The following TRPC3 variants were observed in gnomAD, a reference collection of about 807,000 sequenced individuals.
The protein encoded by TRPC3 is short transient receptor potential channel 3.
TRPC3 carries 54 observed loss-of-function variants against 90.9 expected under a neutral mutation model. The ratio of observed to expected loss-of-function variants is 0.59; its 90% CI spans 0.48 to 0.75. TRPC3 has a LOEUF of 0.75. Among genes scored for constraint, TRPC3 ranks in the 30% least tolerant of loss-of-function variants. The pLI is 0.00. For missense variants in TRPC3, 918 were observed against 1,194.5 expected (o/e 0.77, Z 3.41); for synonymous variants, 424 against 450.9 (o/e 0.94, Z 0.75).
At chr4:121,906,741 C>T (rs749530714) in intron 7 of TRPC3, among the ~76,000 whole-genome samples, 2 of 152,026 alleles carry the variant, frequency 1.3e-5, no homozygotes, top group Non-Finnish European at 2.9e-5. Flanking sequence ...ATCTGGGTGT[C>T]TCCATGCTGC....
intron 1 of TRPC3, among the ~76,000 whole-genome samples, chr4:121,946,499 T>C (rs1203860546): frequency 6.6e-6 from 1 of 152,204 alleles, no homozygotes; most frequent in African/African-American, 2.4e-5. Context: ...GACTTAGCGG[T>C]GAACAATGAT....
intron 10 of TRPC3, among the ~76,000 whole-genome samples, chr4:121,892,567 A>C (rs775383700): frequency 6.6e-6 from 1 of 152,196 alleles, no homozygotes; most frequent in Non-Finnish European, 1.5e-5. Flanking sequence ...GGAACATGAG[A>C]GAGAAATAAA....
chr4:121,923,709 G>A (rs1426682791), intron 3 of TRPC3, among the ~76,000 whole-genome samples: 1 of 152,186 alleles, frequency 6.6e-6, no homozygotes, highest in Non-Finnish European at 1.5e-5. Flanking sequence ...TAGGTGACTT[G>A]CTCATGGTCA....
At chr4:121,915,247 G>C (rs1485830552) in intron 3 of TRPC3, among the ~76,000 whole-genome samples, 1 of 152,188 alleles carries the variant, frequency 6.6e-6, no homozygotes, top group Non-Finnish European at 1.5e-5. Flanking sequence ...GAATCTGGGT[G>C]ACATCTGGCT....
intron 2 of TRPC3, among the ~76,000 whole-genome samples, chr4:121,929,512 C>T (rs1410122584): frequency 6.6e-6 from 1 of 152,106 alleles, no homozygotes; most frequent in Non-Finnish European, 1.5e-5. Flanking sequence ...AGGATTAGAC[C>T]AAGAGTCTAT....
At position 121,932,585 on chromosome 4, in the gene TRPC3, C is replaced by T. The variant is rs1322129192; in HGVS notation, c.673G>A (p.Glu225Lys). 3.1e-6 allele frequency: 5 copies of T among 1,614,096 alleles called. No individual in the cohort carries two copies. The African/African-American group carries it at 4.0e-5, about 13-fold the overall frequency. ...LQDDDFYAYD[E>K]DGTRFSPDIT... Reference sequence around the variant, plus strand: ...TCCGGCGAGAAGCGCGTGCCGTCCTCGTCGTAAGCGTAGAAGTCGTCGTCC... The same window carrying T: ...TCCGGCGAGAAGCGCGTGCCGTCCTTGTCGTAAGCGTAGAAGTCGTCGTCC... The change falls in exon 2 of 12, where the codon GAG becomes AAG. Residue 225 changes from glutamate to lysine, a missense_variant. This residue lies in a region of TRPC3 where 609 missense variants were observed against 725.9 expected (regional missense o/e 0.84). Transcript: ENST00000379645. The surrounding 1 kb of genome is among the most constrained non-coding windows in gnomAD (Gnocchi z 7.7).
intron 2 of TRPC3, among the ~76,000 whole-genome samples, chr4:121,926,560 C>G (rs563279686): frequency 6.6e-6 from 1 of 152,054 alleles, no homozygotes; most frequent in Non-Finnish European, 1.5e-5. Flanking sequence ...GCATGTGCCA[C>G]CACACCCGGC....
chr4:121,949,062 T>C (rs1488856481), intron 1 of TRPC3, among the ~76,000 whole-genome samples: 1 of 152,190 alleles, frequency 6.6e-6, no homozygotes, highest in African/African-American at 2.4e-5. Context: ...AACGCTTGAA[T>C]TGAGACTCAT....
At chr4:121,944,029 G>A (rs924785903) in intron 1 of TRPC3, among the ~76,000 whole-genome samples, 3 of 152,010 alleles carry the variant, frequency 2.0e-5, no homozygotes, top group South Asian at 2.1e-4. Context: ...AGTCACTGCT[G>A]AGCCCCTCGT....
At position 121,914,956 on chromosome 4, in the gene TRPC3, G is replaced by A. The variant is rs1729256485; in HGVS notation, c.1177-12C>T. 6.3e-7 allele frequency: 1 copy of A among 1,581,354 alleles called. No individual in the cohort carries two copies. Among genetic ancestry groups the A allele is most frequent in the South Asian group, 1.1e-5 (1 of 88,292 alleles). On this transcript the variant is annotated splice_polypyrimidine_tract_variant and intron_variant, in intron 3 of 11. Transcript: ENST00000379645. Reference sequence around the variant, plus strand: ...GGATGAGCCACAAACTATTGGGAGAGAGAGAGTTTGAGAAGGGGAGAGAAA... The same window carrying A: ...GGATGAGCCACAAACTATTGGGAGAAAGAGAGTTTGAGAAGGGGAGAGAAA...
intron 3 of TRPC3, among the ~76,000 whole-genome samples, chr4:121,916,490 T>C (rs1282024416): frequency 1.3e-5 from 2 of 152,124 alleles, no homozygotes; most frequent in African/African-American, 2.4e-5. Flanking sequence ...CTCAATGTGA[T>C]GGGTATTAGA....
chr4:121,894,404 A>C (rs2149111354), intron 10 of TRPC3, among the ~76,000 whole-genome samples: 1 of 152,182 alleles, frequency 6.6e-6, no homozygotes, highest in African/African-American at 2.4e-5. Flanking sequence ...ATATAATAAT[A>C]GTTGGGAACT....
chr4:121,882,501 G>T, intron 10 of TRPC3, 72 bp from the exon 11 acceptor site: 2 of 1,425,378 alleles, frequency 1.4e-6, no homozygotes, highest in South Asian at 1.3e-5. Flanking sequence ...TTCCAAAGAG[G>T]CTTACATACC....
chr4:121,899,643 T>C lies in TRPC3; in HGVS notation c.2516A>G (p.Asn839Ser), dbSNP rs754521633. 2 of 1,613,652 alleles carry C rather than the reference T, an allele frequency of 1.2e-6. No individual in the cohort carries two copies. The highest frequency in any genetic ancestry group is 8.5e-7 in the Non-Finnish European group (1 of 1,179,740). The change falls in exon 10 of 12, where the codon AAC becomes AGC. Residue 839 changes from asparagine to serine, a missense_variant. Coordinates refer to ENST00000379645, the MANE Select transcript of TRPC3 (RefSeq NM_001130698.2). ...ACGTGTTGGCTGATTGAGAATGCTG[T>C]TAAAACTGTGTGATTCAAAAACTCT... is the stretch of plus-strand genomic sequence containing the variant. The part of the protein sequence containing the change: ...NSRVFESHSF[N>S]SILNQPTRYQ...
At chr4:121,896,815 A>G (rs373268590) in intron 10 of TRPC3, among the ~76,000 whole-genome samples, 31 of 152,306 alleles carry the variant, frequency 2.0e-4, no homozygotes, top group African/African-American at 5.5e-4. Context: ...AGGGAATCAT[A>G]AAAGACCCCA....
In TRPC3 at chr4:121,938,990, T is replaced by A. The variant is rs371391894; in HGVS notation, c.216-5948A>T. ...AACCTTCCTTCCCTTGTTCCCCAGA[T>A]TCATTCTTCACTATCCTGTAAACAT... On this transcript the variant is annotated intron_variant, in intron 1 of 11. Transcript: ENST00000379645. Among the ~76,000 whole-genome samples the A allele has an allele frequency of 2.0e-5, 3 of 152,294 alleles. No homozygotes were observed. The East Asian group carries it at 5.8e-4, about 29-fold the overall frequency.
intron 4 of TRPC3, 136 bp downstream of exon 4, chr4:121,914,644 G>A (rs1729235016): frequency 1.0e-6 from 1 of 953,898 alleles, no homozygotes. Context: ...TAATTAAAAA[G>A]GAGAATCTGT....
chr4:121,928,106 G>A (rs189644052), intron 2 of TRPC3, among the ~76,000 whole-genome samples: 57 of 152,178 alleles, frequency 3.7e-4, no homozygotes, highest in East Asian at 3.5e-3. Flanking sequence ...GCTACCTTCC[G>A]TGCTTTGAAG....
chr4:121,946,330 A>C (rs1730486695), intron 1 of TRPC3, among the ~76,000 whole-genome samples: 1 of 152,170 alleles, frequency 6.6e-6, no homozygotes, highest in Non-Finnish European at 1.5e-5. Flanking sequence ...CATACAAAGA[A>C]AGTTAGAGGG....
Sources: allele counts gnomAD v4.1 joint callset (sites outside exome capture counted in the v4.1 genomes callset), GRCh38; gene constraint gnomAD v4.1.1; regional missense constraint gnomAD v4.1.1; non-coding constraint Gnocchi (gnomAD v3.1); transcripts MANE v1.5; gene names NCBI Gene and HGNC (gene_info 2026-07-23, HGNC 2026-07-21).